Variants in ADCY9 observed in about 807,000 individuals in gnomAD.
The protein encoded by ADCY9 is adenylate cyclase type 9.
A neutral mutation model predicts 101.5 loss-of-function variants in ADCY9; 50 were observed. The observed-to-expected ratio is 0.49, with a 90% CI of 0.39 to 0.62. The LOEUF (loss-of-function observed/expected upper bound fraction) is 0.62. Ranked by LOEUF, ADCY9 falls within the 20% of genes least tolerant of loss-of-function variation. The pLI is 0.00. For synonymous variants in ADCY9, 905 were observed against 769.3 expected (o/e 1.18, Z -2.92); for missense variants, 1,662 against 1,800.4 (o/e 0.92, Z 1.39).
intron 2 of ADCY9, among the ~76,000 whole-genome samples, chr16:4,032,418 C>T (rs1286900322): frequency 6.6e-6 from 1 of 152,156 alleles, no homozygotes; most frequent in Non-Finnish European, 1.5e-5. Context: ...GCTGTGCTCT[C>T]CTGCAACCTG....
intron 7 of ADCY9, 83 bp from the exon 8 acceptor site, chr16:3,979,358 G>A: frequency 6.6e-7 from 1 of 1,506,868 alleles, no homozygotes; most frequent in Non-Finnish European, 9.0e-7. Flanking sequence ...GCCGCAGCCA[G>A]CGCCGCCCTC....
chr16:3,984,245 T>C (rs2056171434), intron 6 of ADCY9: 1 of 152,218 alleles, frequency 6.6e-6, no homozygotes. Context: ...AGGGCGGTCC[T>C]GCTGCATGGC....
chr16:4,077,531 A>G (rs920084340), intron 2 of ADCY9, among the ~76,000 whole-genome samples: 1 of 152,156 alleles, frequency 6.6e-6, no homozygotes, highest in Non-Finnish European at 1.5e-5. Flanking sequence ...GCACACAGGT[A>G]TATGCACACA....
intron 2 of ADCY9, among the ~76,000 whole-genome samples, chr16:4,068,363 C>T (rs2056812874): frequency 6.6e-6 from 1 of 151,394 alleles, no homozygotes; most frequent in Admixed American, 6.6e-5. Context: ...AGTACAAGTT[C>T]CTCTAATCCC....
intron 2 of ADCY9, among the ~76,000 whole-genome samples, chr16:4,061,012 A>C (rs184621311): frequency 6.6e-6 from 1 of 152,280 alleles, no homozygotes; most frequent in Non-Finnish European, 1.5e-5. Context: ...AGAGAATACT[A>C]ATAAAGAGAC....
intron 2 of ADCY9, among the ~76,000 whole-genome samples, chr16:4,057,146 G>C (rs1219366474): frequency 6.7e-6 from 1 of 149,632 alleles, no homozygotes; most frequent in East Asian, 2.0e-4. Context: ...CAATTGTTTA[G>C]GTTTTTGTTT....
At chr16:4,015,437 G>C (rs987530260) in intron 2 of ADCY9, 1 of 152,072 alleles carries the variant, frequency 6.6e-6, no homozygotes, top group Non-Finnish European at 1.5e-5. Flanking sequence ...TCTGAGAGAC[G>C]ACACCCAGCA....
intron 3 of ADCY9, among the ~76,000 whole-genome samples, chr16:4,003,134 C>T (rs993010172): frequency 1.3e-5 from 2 of 152,122 alleles, no homozygotes; most frequent in Admixed American, 6.6e-5. Context: ...CCTGCTGGAG[C>T]GCTGACGTCA....
chr16:4,041,506 C>CA (rs55669348), intron 2 of ADCY9, among the ~76,000 whole-genome samples: 93 of 94,562 alleles, frequency 9.8e-4, no homozygotes, highest in African/African-American at 3.2e-3. Flanking sequence ...GTATTAAAAC[C>CA]AAAAAAAAAA....
intron 3 of ADCY9, among the ~76,000 whole-genome samples, chr16:3,995,748 T>C (rs2056282167): frequency 6.6e-6 from 1 of 152,164 alleles, no homozygotes; most frequent in Admixed American, 6.5e-5. Flanking sequence ...CCAGGTTGTA[T>C]TTAAAGTTAG....
intron 8 of ADCY9, among the ~76,000 whole-genome samples, chr16:3,978,319 A>G (rs576223821): frequency 1.3e-5 from 2 of 150,700 alleles, no homozygotes; most frequent in East Asian, 4.1e-4. Context: ...CTAAAGTGTC[A>G]AACACCATCA....
At chr16:3,986,522 G>A (rs13331349) in intron 6 of ADCY9, among the ~76,000 whole-genome samples, 3,191 of 152,188 alleles carry the variant, frequency 0.021, 99 homozygotes, top group African/African-American at 0.073. Flanking sequence ...CAACGGCATG[G>A]TCTCGGCTCA....
intron 2 of ADCY9, among the ~76,000 whole-genome samples, chr16:4,072,270 G>C (rs1299055740): frequency 6.6e-6 from 1 of 152,242 alleles, no homozygotes; most frequent in Non-Finnish European, 1.5e-5. Context: ...TGTGGAGGCT[G>C]AAGTAGCTCC....
intron 2 of ADCY9, among the ~76,000 whole-genome samples, chr16:4,064,314 C>A (rs1013581075): frequency 2.0e-5 from 3 of 152,102 alleles, no homozygotes; most frequent in Admixed American, 2.0e-4. Context: ...CATTTCTTCC[C>A]AAATTGATCA....
At position 3,992,804 on chromosome 16, in the gene ADCY9, C is replaced by G. The variant is rs2056255969; in HGVS notation, c.1990-441G>C. Among the ~76,000 whole-genome samples the G allele has an allele frequency of 6.6e-6, 1 of 152,058 alleles. No individual in the cohort carries two copies. Among genetic ancestry groups the G allele is most frequent in the South Asian group, 2.1e-4 (1 of 4,816 alleles). On this transcript the variant is annotated intron_variant, in intron 4 of 10. Coordinates refer to ENST00000294016, the MANE Select transcript of ADCY9 (RefSeq NM_001116.4). The surrounding 1 kb of genome is among the most constrained non-coding windows in gnomAD (Gnocchi z 4.2). ...CAGGCAAGGTGGATGGAAACGGGCT[C>G]GTGTCGTGGGTGTCCCCCGTGGCTG...
intron 2 of ADCY9, among the ~76,000 whole-genome samples, chr16:4,096,356 C>T (rs185439098): frequency 1.3e-5 from 2 of 152,050 alleles, no homozygotes; most frequent in Non-Finnish European, 1.5e-5. Flanking sequence ...TATATTTTAC[C>T]AATATGAAAA....
chr16:4,080,547 C>A (rs2056895227), intron 2 of ADCY9, among the ~76,000 whole-genome samples: 1 of 152,136 alleles, frequency 6.6e-6, no homozygotes, highest in African/African-American at 2.4e-5. Context: ...GCATGACCCA[C>A]CGTTCCCAGC....
intron 6 of ADCY9, among the ~76,000 whole-genome samples, chr16:3,986,602 C>G (rs546913707): frequency 6.6e-6 from 1 of 152,092 alleles, no homozygotes; most frequent in Admixed American, 6.5e-5. Flanking sequence ...GGATTACAGG[C>G]GCCCGCCACC....
At chr16:3,983,545 G>T in intron 6 of ADCY9, 105 bp from the exon 7 acceptor site, 1 of 974,734 alleles carries the variant, frequency 1.0e-6, no homozygotes, top group Non-Finnish European at 1.6e-6. Flanking sequence ...TGCTGCTCTG[G>T]GCCAGGCACA....
Sources: allele counts gnomAD v4.1 joint callset (sites outside exome capture counted in the v4.1 genomes callset), GRCh38; gene constraint gnomAD v4.1.1; non-coding constraint Gnocchi (gnomAD v3.1); transcripts MANE v1.5; gene names NCBI Gene and HGNC (gene_info 2026-07-23, HGNC 2026-07-21).